The following PCYT1A variants were observed in gnomAD, a reference collection of about 807,000 sequenced individuals.
PCYT1A encodes phosphate cytidylyltransferase 1A, choline, also known as choline-phosphate cytidylyltransferase A.
Under a neutral mutation model 43.7 loss-of-function variants are expected in PCYT1A, and 25 were observed. The observed-to-expected ratio is 0.57, with a 90% CI of 0.42 to 0.80. The LOEUF (loss-of-function observed/expected upper bound fraction) is 0.80. Among genes scored for constraint, PCYT1A ranks in the 30% least tolerant of loss-of-function variants. The pLI is 0.00. For missense variants in PCYT1A, 421 were observed against 474.2 expected, an observed-to-expected ratio of 0.89 and a Z score of 1.04; for synonymous variants, 172 against 170.7, an observed-to-expected ratio of 1.01 and a Z score of -0.06.
At chr3:196,244,336 G>A (rs1258903466) in intron 5 of PCYT1A, among the ~76,000 whole-genome samples, 11 of 147,290 alleles carry the variant, frequency 7.5e-5, no homozygotes, top group African/African-American at 1.3e-4. Flanking sequence ...CCTCCTCCCC[G>A]CCGCCATCCC....
chr3:196,267,475 C>T, intron 2 of PCYT1A: 1 of 349,644 alleles, frequency 2.9e-6, no homozygotes, highest in South Asian at 2.2e-5. Context: ...CACACTGTGG[C>T]AGGCTGAGGC....
In PCYT1A at chr3:196,237,555, T is replaced by C. The variant is rs1262747524; in HGVS notation, c.*1133A>G. 2 of 152,250 alleles carry C rather than the reference T, an allele frequency of 1.3e-5. No homozygotes were observed. The highest frequency in any genetic ancestry group is 2.9e-5 in the Non-Finnish European group (2 of 68,090). The allele number at this position is 152,250 out of a possible 1,614,324, so 9.4% of individuals were successfully genotyped here. Reference sequence around the variant, plus strand: ...GGAAAAGAAAGATGTGGAGCACTGGTTCCAGGGAAGAATGTTCTGAAGAGG... The same window carrying C: ...GGAAAAGAAAGATGTGGAGCACTGGCTCCAGGGAAGAATGTTCTGAAGAGG... On this transcript the variant is annotated 3_prime_UTR_variant, in exon 9 of 9. Transcript: ENST00000431016.
At chr3:196,260,492 A>T (rs2108773205) in intron 2 of PCYT1A, among the ~76,000 whole-genome samples, 1 of 152,320 alleles carries the variant, frequency 6.6e-6, no homozygotes, top group South Asian at 2.1e-4. Flanking sequence ...TTACCATATG[A>T]CCCAGAAATT....
chr3:196,264,473 G>T (rs1016788268), intron 2 of PCYT1A, among the ~76,000 whole-genome samples: 8 of 152,130 alleles, frequency 5.3e-5, no homozygotes, highest in African/African-American at 2.4e-5. Context: ...TCATGATTCT[G>T]AACTTGTACC....
chr3:196,242,824 G>A lies in PCYT1A; in HGVS notation c.487-184C>T. The A allele has an allele frequency of 1.6e-6, 1 of 615,514 alleles. No homozygotes were observed. The highest frequency in any genetic ancestry group is 2.8e-5 in the East Asian group (1 of 35,988). 38.1% of individuals were successfully genotyped at this position (615,514 alleles called of 1,614,324 possible). On this transcript the variant is annotated intron_variant, in intron 5 of 8. Coordinates refer to ENST00000431016, the MANE Select transcript of PCYT1A (RefSeq NM_001312673.2). This position sits in a 1 kb window ranked among gnomAD's most constrained non-coding sequence, Gnocchi z 4.2. ...CAAACCACCCAACCTAATGATTTAT[G>A]GAGTATACATATGAAGTTAGCCAGC...
intron 2 of PCYT1A, among the ~76,000 whole-genome samples, chr3:196,267,858 C>G (rs1725322545): frequency 6.6e-6 from 1 of 152,064 alleles, no homozygotes; most frequent in South Asian, 2.1e-4. Flanking sequence ...AGAAAAAAGT[C>G]TTGCTTGCTT....
At position 196,238,753 on chromosome 3, in the gene PCYT1A, A is replaced by C. The variant is rs759958810; in HGVS notation, c.1039T>G (p.Ser347Ala). The change falls in exon 9 of 9, where the codon TCC (serine) becomes GCC (alanine). Residue 347 changes from serine (S) to alanine (A), a missense_variant. Around this residue, in one of 3 missense-constraint regions of PCYT1A, gnomAD observed 108 missense variants for 85.7 expected, o/e 1.26. Coordinates refer to ENST00000431016, the MANE Select transcript of PCYT1A (RefSeq NM_001312673.2). Reference sequence around the variant, plus strand: ...TTGTGCCTGGAGAGATTTGCTGGGGAGCAAGGTGGGGAAGTCTTGCCGGAG... The same window carrying C: ...TTGTGCCTGGAGAGATTTGCTGGGGCGCAAGGTGGGGAAGTCTTGCCGGAG... ...PFSGKTSPPCSPANLSRHKAA... is the reference protein window; with the variant it reads ...PFSGKTSPPCAPANLSRHKAA... 1 of 1,591,696 alleles carries C rather than the reference A, an allele frequency of 6.3e-7. No homozygotes were observed. The highest frequency in any genetic ancestry group is 1.4e-5 in the African/African-American group (1 of 73,372).
chr3:196,238,760 T>TG lies in PCYT1A; in HGVS notation c.1031dup (p.Pro345ThrfsTer16). 1 of 1,589,780 alleles carries TG rather than the reference T, an allele frequency of 6.3e-7. No individual in the cohort carries two copies. The highest frequency in any genetic ancestry group is 8.6e-7 in the Non-Finnish European group (1 of 1,169,004). The stretch of plus-strand genomic sequence containing the variant: ...TGGAGAGATTTGCTGGGGAGCAAGG[T>TG]GGGGAAGTCTTGCCGGAGAAGGGCC... On this transcript the variant is annotated frameshift_variant, in exon 9 of 9. Coordinates refer to ENST00000431016, the MANE Select transcript of PCYT1A (RefSeq NM_001312673.2). LOFTEE classifies it high-confidence loss of function.
At position 196,241,659 on chromosome 3, in the gene PCYT1A, G is replaced by GT. The variant is rs552951182; in HGVS notation, c.708+288dup. On this transcript the variant is annotated intron_variant, in intron 7 of 8. Transcript: ENST00000431016. ...CATCCAACCGAAGAAGAGAGAGGAA[G>GT]TTTAAGAGACACCGTTTTCCATTTA... The GT allele has an allele frequency of 1.2e-4, 164 of 1,368,994 alleles. 3 individuals are homozygous for GT. The South Asian group carries it at 1.9e-3, about 16-fold the overall frequency. The allele number at this position is 1,368,994 out of a possible 1,614,324, so 84.8% of individuals were successfully genotyped here. A position where few individuals can be genotyped will look rare whatever the true frequency, so the allele number is the denominator to read the frequency against.
In PCYT1A at chr3:196,237,816, C is replaced by G. The variant is rs712012; in HGVS notation, c.*872G>C. On this transcript the variant is annotated 3_prime_UTR_variant, in exon 9 of 9. Coordinates refer to ENST00000431016, the MANE Select transcript of PCYT1A (RefSeq NM_001312673.2). Reference sequence around the variant, plus strand: ...CTCCCAGTAGGAAACTAATCTCAATCGACTTGGTATAGGATTGAGTATTGT... The same window carrying G: ...CTCCCAGTAGGAAACTAATCTCAATGGACTTGGTATAGGATTGAGTATTGT... 2.0e-5 allele frequency: 3 copies of G among 152,082 alleles called. No homozygotes were observed. The highest frequency in any genetic ancestry group is 4.4e-5 in the Non-Finnish European group (3 of 67,994). 9.4% of individuals were successfully genotyped at this position (152,082 alleles called of 1,614,324 possible).
intron 2 of PCYT1A, among the ~76,000 whole-genome samples, chr3:196,266,381 GA>G (rs1307318514): frequency 2.0e-5 from 3 of 151,894 alleles, no homozygotes; most frequent in Non-Finnish European, 4.4e-5. Context: ...GCTGAGGCAG[GA>G]AAATGGCGTG....
At chr3:196,263,574 T>C (rs975557780) in intron 2 of PCYT1A, among the ~76,000 whole-genome samples, 1 of 151,950 alleles carries the variant, frequency 6.6e-6, no homozygotes, top group Admixed American at 6.6e-5. Context: ...TACCATGTGG[T>C]ATGAGAAAGA....
intron 3 of PCYT1A, among the ~76,000 whole-genome samples, chr3:196,253,687 T>C (rs1231054409): frequency 2.0e-5 from 3 of 152,154 alleles, no homozygotes; most frequent in Non-Finnish European, 4.4e-5. Context: ...TCTCCAGTGC[T>C]TCCCCAGCCT....
At position 196,242,300 on chromosome 3, in the gene PCYT1A, T is replaced by C. The variant is rs76553228; in HGVS notation, c.566-210A>G. On this transcript the variant is annotated intron_variant, in intron 6 of 8. Coordinates refer to ENST00000431016, the MANE Select transcript of PCYT1A (RefSeq NM_001312673.2). The surrounding 1 kb of genome is among the most constrained non-coding windows in gnomAD (Gnocchi z 4.2). The stretch of plus-strand genomic sequence containing the variant: ...AAAGAAGAGTTACATAGCCCTAATA[T>C]TAAGAAAAATATGAGAAAGGGTTTC... 5,671 of 645,718 alleles carry C rather than the reference T, an allele frequency of 8.8e-3. 202 individuals are homozygous for C. Among genetic ancestry groups the C allele is most frequent in the South Asian group, 0.067 (3,656 of 54,616 alleles). The allele number at this position is 645,718 out of a possible 1,614,324, so 40.0% of individuals were successfully genotyped here. A position where few individuals can be genotyped will look rare whatever the true frequency, so the allele number is the denominator to read the frequency against.
At position 196,238,481 on chromosome 3, in the gene PCYT1A, G is replaced by A. The variant is rs190939801; in HGVS notation, c.*207C>T. On this transcript the variant is annotated 3_prime_UTR_variant, in exon 9 of 9. Coordinates refer to ENST00000431016, the MANE Select transcript of PCYT1A (RefSeq NM_001312673.2). ...AATGGATGCAGAGCAGGCTTCTAAG[G>A]TGCAGTCCCCCTCCTTCGTGTGGGT... 7.7e-5 allele frequency: 31 copies of A among 404,310 alleles called. No homozygotes were observed. Among genetic ancestry groups the A allele is most frequent in the Admixed American group, 5.4e-4 (12 of 22,392 alleles). 25.0% of individuals were successfully genotyped at this position (404,310 alleles called of 1,614,324 possible).
At chr3:196,256,082 C>G (rs1577363398) in intron 3 of PCYT1A, among the ~76,000 whole-genome samples, 1 of 152,302 alleles carries the variant, frequency 6.6e-6, no homozygotes, top group East Asian at 1.9e-4. Flanking sequence ...TCAATATGAA[C>G]TATATCTACA....
chr3:196,254,193 ATT>A (rs1281120962), intron 3 of PCYT1A, among the ~76,000 whole-genome samples: 1 of 151,046 alleles, frequency 6.6e-6, no homozygotes, highest in Non-Finnish European at 1.5e-5. Context: ...CGCCTGGCTA[ATT>A]TTTTATATTT....
Position 196,238,741 on chromosome 3 carries a change from G to A in PCYT1A, c.1051C>T (p.Leu351Phe), listed in dbSNP as rs747858848. Residue 351 changes from leucine to phenylalanine, a missense_variant, in exon 9 of 9, where the codon CTC becomes TTC. Around this residue, in one of 3 missense-constraint regions of PCYT1A, gnomAD observed 108 missense variants for 85.7 expected, o/e 1.26. Transcript: ENST00000431016. ...KTSPPCSPAN[L>F]SRHKAAAYDI... ...TAGGCTGCAGCCTTGTGCCTGGAGAGATTTGCTGGGGAGCAAGGTGGGGAA... is the reference window on the plus strand; with the variant it reads ...TAGGCTGCAGCCTTGTGCCTGGAGAAATTTGCTGGGGAGCAAGGTGGGGAA... 4 of 1,592,644 alleles carry A rather than the reference G, an allele frequency of 2.5e-6. No homozygotes were observed. The Admixed American group carries it at 5.3e-5, about 21-fold the overall frequency.
At chr3:196,270,359 A>G in intron 2 of PCYT1A, 56 bp downstream of exon 2, 1 of 991,870 alleles carries the variant, frequency 1.0e-6, no homozygotes, top group Non-Finnish European at 1.6e-6. Flanking sequence ...TAACACTGAT[A>G]TCATCAATGT....
Sources: allele counts gnomAD v4.1 joint callset (sites outside exome capture counted in the v4.1 genomes callset), GRCh38; gene constraint gnomAD v4.1.1; regional missense constraint gnomAD v4.1.1; non-coding constraint Gnocchi (gnomAD v3.1); transcripts MANE v1.5; gene names NCBI Gene and HGNC (gene_info 2026-07-23, HGNC 2026-07-21).